Variants in PKN2 observed in about 807,000 individuals in gnomAD.
PKN2 encodes the protein protein kinase N2, also known as serine/threonine-protein kinase N2.
In PKN2, 38 loss-of-function variants were observed where a neutral mutation model predicts 119.1. The observed-to-expected ratio is 0.32, with a 90% CI of 0.25 to 0.42. The LOEUF (loss-of-function observed/expected upper bound fraction) is 0.42, where lower values mean the gene tolerates loss of function less well. Ranked by LOEUF, PKN2 falls within the 10% of genes least tolerant of loss-of-function variation. The pLI, the probability that PKN2 is intolerant of heterozygous loss-of-function variation, is 1.00. For synonymous variants in PKN2, 390 were observed against 384.9 expected (o/e 1.01, Z -0.15); for missense variants, 850 against 1,165.1 (o/e 0.73, Z 3.94).
intron 8 of PKN2, 111 bp from the exon 9 acceptor site, chr1:88,804,280 G>GTA (rs1279775794): frequency 3.8e-6 from 3 of 786,406 alleles, no homozygotes; most frequent in Non-Finnish European, 6.1e-6. Flanking sequence ...CTTTGTGTGT[G>GTA]TAATTTTTGT....
At chr1:88,731,695 A>G (rs550313547) in intron 1 of PKN2, among the ~76,000 whole-genome samples, 24 of 152,294 alleles carry the variant, frequency 1.6e-4, no homozygotes, top group African/African-American at 5.8e-4. Flanking sequence ...CTTGGCATCT[A>G]TCAGGTCAGA....
chr1:88,711,191 T>A (rs1411021698), intron 1 of PKN2, among the ~76,000 whole-genome samples: 1 of 151,718 alleles, frequency 6.6e-6, no homozygotes, highest in Non-Finnish European at 1.5e-5. Flanking sequence ...AACTAATGAG[T>A]ACTAGGCTTA....
At chr1:88,779,571 GCTT>G (rs1255828146) in intron 6 of PKN2, among the ~76,000 whole-genome samples, 3 of 150,854 alleles carry the variant, frequency 2.0e-5, no homozygotes, top group Non-Finnish European at 4.4e-5. Context: ...ACCTACAAAG[GCTT>G]CTTTTTTATG....
At chr1:88,826,506 C>G (rs1672506783) in intron 18 of PKN2, among the ~76,000 whole-genome samples, 1 of 151,908 alleles carries the variant, frequency 6.6e-6, no homozygotes, top group South Asian at 2.1e-4. Context: ...GTGGTGAAAT[C>G]AAGGCTTTTA....
At chr1:88,740,578 G>A (rs1374317123) in intron 1 of PKN2, among the ~76,000 whole-genome samples, 1 of 151,992 alleles carries the variant, frequency 6.6e-6, no homozygotes, top group Non-Finnish European at 1.5e-5. Context: ...TCTAAAAGGT[G>A]GCTACTATTA....
Position 88,833,176 on chromosome 1 carries a change from A to G in PKN2, c.2751+19A>G. On this transcript the variant is annotated intron_variant, in intron 21 of 21. Transcript: ENST00000370521. ...TTTCCGGGTAAGTGTGACTATTTAA[A>G]ATTTTTTATGAAACTAGAGCGATTA... is the stretch of plus-strand genomic sequence containing the variant. 6.2e-7 allele frequency: 1 copy of G among 1,611,170 alleles called. No homozygotes were observed. The highest frequency in any genetic ancestry group is 8.5e-7 in the Non-Finnish European group (1 of 1,178,308).
intron 16 of PKN2, among the ~76,000 whole-genome samples, chr1:88,815,067 C>T (rs1671930175): frequency 6.6e-6 from 1 of 152,148 alleles, no homozygotes; most frequent in Admixed American, 6.5e-5. Flanking sequence ...TAGAAGGCTA[C>T]GAATAATTCA....
chr1:88,821,803 A>G (rs1022989407), intron 16 of PKN2, 138 bp from the exon 17 acceptor site: 5 of 626,490 alleles, frequency 8.0e-6, no homozygotes, highest in Middle Eastern at 4.4e-4. Flanking sequence ...ATCTAGCACA[A>G]TGTGATACAT....
chr1:88,789,743 T>C (rs1430747957), intron 8 of PKN2, among the ~76,000 whole-genome samples: 2 of 151,822 alleles, frequency 1.3e-5, no homozygotes, highest in East Asian at 3.8e-4. Flanking sequence ...CATTTATTGG[T>C]TTCTAATTTT....
At chr1:88,712,441 G>C (rs953608324) in intron 1 of PKN2, among the ~76,000 whole-genome samples, 2 of 152,048 alleles carry the variant, frequency 1.3e-5, no homozygotes, top group Non-Finnish European at 1.5e-5. Flanking sequence ...CCCTTCCCAG[G>C]TTTGCTTTTA....
chr1:88,809,839 T>C (rs1355963991), intron 15 of PKN2, among the ~76,000 whole-genome samples: 2 of 152,120 alleles, frequency 1.3e-5, no homozygotes, highest in African/African-American at 4.8e-5. Context: ...GGTCTCAAAC[T>C]CCTGGCTTCA....
At chr1:88,716,414 T>A (rs1048829011) in intron 1 of PKN2, among the ~76,000 whole-genome samples, 5 of 152,162 alleles carry the variant, frequency 3.3e-5, no homozygotes, top group Admixed American at 6.5e-5. Flanking sequence ...CCCATTATTA[T>A]TGTGTGGGAG....
intron 6 of PKN2, among the ~76,000 whole-genome samples, chr1:88,781,485 C>A (rs1335667260): frequency 6.6e-6 from 1 of 152,034 alleles, no homozygotes; most frequent in Non-Finnish European, 1.5e-5. Context: ...TGTTCTAATG[C>A]AATTCATAGT....
intron 1 of PKN2, among the ~76,000 whole-genome samples, chr1:88,690,143 G>A (rs1666272365): frequency 6.6e-6 from 1 of 152,144 alleles, no homozygotes; most frequent in Admixed American, 6.5e-5. Context: ...CATTCACATA[G>A]TGTTGAAATA....
chr1:88,708,363 A>G lies in PKN2; in HGVS notation c.48+23735A>G, dbSNP rs77844209. Among the ~76,000 whole-genome samples the G allele has an allele frequency of 6.2e-3, 947 of 152,298 alleles. 12 individuals are homozygous for G. Among genetic ancestry groups the G allele is most frequent in the African/African-American group, 0.022 (905 of 41,558 alleles). On this transcript the variant is annotated intron_variant, in intron 1 of 21. Transcript: ENST00000370521. ...ACTTTATTCCATTTAGTAGTAAAGT[A>G]TAAGATATTTCAAAGTCTTGTGACT...
intron 1 of PKN2, among the ~76,000 whole-genome samples, chr1:88,727,635 G>C (rs1357478771): frequency 6.6e-6 from 1 of 152,110 alleles, no homozygotes; most frequent in Non-Finnish European, 1.5e-5. Flanking sequence ...GGCTACATGT[G>C]TATTTTTTTA....
chr1:88,690,954 CAT>C (rs1276010975), intron 1 of PKN2, among the ~76,000 whole-genome samples: 1 of 152,142 alleles, frequency 6.6e-6, no homozygotes, highest in Non-Finnish European at 1.5e-5. Context: ...TGCCCTGGCT[CAT>C]AAGTACCTTA....
chr1:88,732,204 A>C (rs1234852119), intron 1 of PKN2, among the ~76,000 whole-genome samples: 1 of 152,142 alleles, frequency 6.6e-6, no homozygotes, highest in Admixed American at 6.5e-5. Flanking sequence ...AGTTAATATT[A>C]CTTTTGGTTC....
intron 1 of PKN2, among the ~76,000 whole-genome samples, chr1:88,724,417 C>A (rs1438341961): frequency 6.6e-6 from 1 of 152,082 alleles, no homozygotes; most frequent in Non-Finnish European, 1.5e-5. Flanking sequence ...TCTCTTGTTA[C>A]ATACTGCTCG....
Sources: allele counts gnomAD v4.1 joint callset (sites outside exome capture counted in the v4.1 genomes callset), GRCh38; gene constraint gnomAD v4.1.1; transcripts MANE v1.5; gene names NCBI Gene and HGNC (gene_info 2026-07-23, HGNC 2026-07-21).